The following CAST variants were observed in gnomAD, a reference collection of about 807,000 sequenced individuals.
CAST encodes calpastatin, also known as MIR583 host.
In CAST, 76 loss-of-function variants were observed where a neutral mutation model predicts 119.6. That is an observed-to-expected ratio of 0.64 (90% confidence interval 0.53 to 0.77). CAST has a LOEUF of 0.77. Among genes scored for constraint, CAST ranks in the 30% least tolerant of loss-of-function variants. CAST has a pLI of 0.00. For missense variants in CAST, 953 were observed against 946.5 expected, an observed-to-expected ratio of 1.01 and a Z score of -0.09; for synonymous variants, 319 against 331.6, an observed-to-expected ratio of 0.96 and a Z score of 0.41.
the CAST span, among the ~76,000 whole-genome samples, chr5:96,098,869 T>A: frequency 2.6e-5 from 4 of 152,128 alleles, no homozygotes; most frequent in African/African-American, 7.2e-5. Context: ...AATGGTCAAT[T>A]GTAGTTTAAT....
intron 1 of CAST, chr5:96,584,348 C>T (rs891682322): frequency 1.3e-5 from 2 of 152,198 alleles, no homozygotes; most frequent in Admixed American, 6.5e-5. Flanking sequence ...GGCCCAGGTC[C>T]TAACAGGCCA....
intron 1 of CAST, 91 bp from the exon 2 acceptor site, chr5:96,675,448 A>G (rs1315947395): frequency 6.9e-6 from 6 of 867,468 alleles, no homozygotes; most frequent in African/African-American, 5.1e-5. Context: ...TCGTTTTTTA[A>G]AAAAGGGTAT....
chr5:96,541,175 G>A (rs919722402), intron 1 of CAST, among the ~76,000 whole-genome samples: 1 of 152,106 alleles, frequency 6.6e-6, no homozygotes, highest in Non-Finnish European at 1.5e-5. Flanking sequence ...AATCGTTTAT[G>A]TGTATCATTA....
At chr5:96,521,328 G>C (rs553163305), upstream of CAST, among the ~76,000 whole-genome samples, 20 of 152,130 alleles carry the variant, frequency 1.3e-4, no homozygotes, top group East Asian at 1.9e-4. Flanking sequence ...TACTCTGCAG[G>C]CTGGCCCCAT....
chr5:96,069,550 C>T, the CAST span, among the ~76,000 whole-genome samples: 9 of 151,290 alleles, frequency 5.9e-5, no homozygotes, highest in African/African-American at 1.5e-4. Flanking sequence ...GTGGTGCAAT[C>T]GTAGCTCACG....
At chr5:96,147,581 C>G in the CAST span, among the ~76,000 whole-genome samples, 1 of 151,958 alleles carries the variant, frequency 6.6e-6, no homozygotes, top group East Asian at 1.9e-4. Flanking sequence ...CCAGCCTGGG[C>G]GACAGAGCGA....
At chr5:96,302,703 C>G in the CAST span, among the ~76,000 whole-genome samples, 3 of 152,350 alleles carry the variant, frequency 2.0e-5, no homozygotes, top group Non-Finnish European at 4.4e-5. Flanking sequence ...CCACCAGTCT[C>G]TTTGCTAAAG....
intron 1 of CAST, among the ~76,000 whole-genome samples, chr5:96,534,763 A>AAG (rs1561408970): frequency 7.1e-5 from 7 of 98,796 alleles, no homozygotes; most frequent in South Asian, 3.6e-4. Flanking sequence ...GAAAGAAAGA[A>AAG]AGAAAGAAAG....
the CAST span, among the ~76,000 whole-genome samples, chr5:96,514,532 C>T: frequency 6.6e-6 from 1 of 152,158 alleles, no homozygotes; most frequent in Non-Finnish European, 1.5e-5. Context: ...CCCAATCTTA[C>T]TTGTAGTTGA....
chr5:96,327,222 G>A, the CAST span, among the ~76,000 whole-genome samples: 3 of 152,300 alleles, frequency 2.0e-5, no homozygotes, highest in Admixed American at 6.5e-5. Context: ...ATTAGATCAG[G>A]TAGTGTGTGT....
At chr5:96,423,251 C>A in the CAST span, 19 of 1,512,810 alleles carry the variant, frequency 1.3e-5, no homozygotes, top group Non-Finnish European at 1.6e-5. Context: ...GAAGGAAAGC[C>A]CTAACTGTGT....
the CAST span, among the ~76,000 whole-genome samples, chr5:96,203,535 G>C: frequency 6.6e-6 from 1 of 152,052 alleles, no homozygotes; most frequent in East Asian, 1.9e-4. Context: ...TTTAACTAGT[G>C]ATGAGCATAA....
chr5:95,984,295 G>T, the CAST span, among the ~76,000 whole-genome samples: 1 of 152,070 alleles, frequency 6.6e-6, no homozygotes, highest in Admixed American at 6.6e-5. Flanking sequence ...GCTAATTTTT[G>T]GAGAAAATAA....
chr5:96,586,112 G>A (rs1746855217), intron 1 of CAST, among the ~76,000 whole-genome samples: 1 of 152,096 alleles, frequency 6.6e-6, no homozygotes, highest in African/African-American at 2.4e-5. Context: ...TCCCTATAAA[G>A]TAGATACTTT....
At chr5:96,276,546 A>T in the CAST span, among the ~76,000 whole-genome samples, 2 of 152,216 alleles carry the variant, frequency 1.3e-5, no homozygotes, top group Non-Finnish European at 2.9e-5. Context: ...AGAGGACATA[A>T]CTGTCTGTAG....
the CAST span, among the ~76,000 whole-genome samples, chr5:95,993,189 C>T: frequency 2.0e-5 from 3 of 152,066 alleles, no homozygotes; most frequent in Non-Finnish European, 4.4e-5. Flanking sequence ...ATTTTTCTAA[C>T]AAATGACACT....
chr5:96,528,940 A>G (rs1052184337), upstream of CAST, among the ~76,000 whole-genome samples: 2 of 152,244 alleles, frequency 1.3e-5, no homozygotes, highest in African/African-American at 2.4e-5. Context: ...AGTGTTGGGA[A>G]TTAAGCCAAG....
At chr5:96,655,615 A>C (rs1197630305) in intron 1 of CAST, among the ~76,000 whole-genome samples, 1 of 152,262 alleles carries the variant, frequency 6.6e-6, no homozygotes, top group Non-Finnish European at 1.5e-5. Flanking sequence ...GATCTACTGC[A>C]GATACTTGCA....
the CAST span, among the ~76,000 whole-genome samples, chr5:96,416,811 G>A: frequency 6.6e-6 from 1 of 152,278 alleles, no homozygotes; most frequent in South Asian, 2.1e-4. Context: ...CAAGCAAAGA[G>A]GGTAATTTAT....
Sources: allele counts gnomAD v4.1 joint callset (sites outside exome capture counted in the v4.1 genomes callset), GRCh38; gene constraint gnomAD v4.1.1; transcripts MANE v1.5; gene names NCBI Gene and HGNC (gene_info 2026-07-23, HGNC 2026-07-21).